The following ZZEF1 variants were observed in gnomAD, a reference collection of about 807,000 sequenced individuals.
ZZEF1 encodes zinc finger ZZ-type and EF-hand domain containing 1, also known as zinc finger ZZ-type and EF-hand domain-containing protein 1.
A neutral mutation model predicts 342.8 loss-of-function variants in ZZEF1; 157 were observed. That is an observed-to-expected ratio of 0.46 (90% CI 0.40 to 0.52). The LOEUF (loss-of-function observed/expected upper bound fraction) is 0.52. Ranked by LOEUF, ZZEF1 falls within the 20% of genes least tolerant of loss-of-function variation. The pLI is 0.00. For missense variants in ZZEF1, 3,480 were observed against 3,725.6 expected, an observed-to-expected ratio of 0.93 and a Z score of 1.72; for synonymous variants, 1,505 against 1,429.1, an observed-to-expected ratio of 1.05 and a Z score of -1.20.
intron 1 of ZZEF1, among the ~76,000 whole-genome samples, chr17:4,136,012 T>TA (rs1317313653): frequency 1.3e-5 from 2 of 149,246 alleles, no homozygotes; most frequent in Non-Finnish European, 3.0e-5. Flanking sequence ...TTTTTTTTTT[T>TA]TGAGACGGTG....
At chr17:4,108,585 T>C (rs549740788) in intron 6 of ZZEF1, among the ~76,000 whole-genome samples, 1 of 152,172 alleles carries the variant, frequency 6.6e-6, no homozygotes, top group Non-Finnish European at 1.5e-5. Flanking sequence ...GGTGGCAACA[T>C]AGCAATGTAC....
At chr17:4,125,958 G>A (rs2058566346) in intron 1 of ZZEF1, among the ~76,000 whole-genome samples, 2 of 152,100 alleles carry the variant, frequency 1.3e-5, no homozygotes. Flanking sequence ...CGGGCGCGGT[G>A]GTTCACACCT....
chr17:4,049,051 T>C (rs774950824), intron 37 of ZZEF1, among the ~76,000 whole-genome samples: 6 of 152,054 alleles, frequency 3.9e-5, no homozygotes, highest in African/African-American at 1.4e-4. Flanking sequence ...TTAATTCTTA[T>C]AAAAACTACC....
chr17:4,142,525 C>A lies in ZZEF1; in HGVS notation c.354+17G>T. ...GACCGCCCTGCCCCATCCCCGCAGT[C>A]GCCTGCCGGCCCTGACCTCCTCGAA... is the stretch of plus-strand genomic sequence containing the variant. On this transcript the variant is annotated intron_variant, in intron 1 of 54. Transcript: ENST00000381638. 6.3e-7 allele frequency: 1 copy of A among 1,587,764 alleles called. No individual in the cohort carries two copies. The highest frequency in any genetic ancestry group is 1.7e-5 in the Admixed American group (1 of 58,100).
intron 39 of ZZEF1, among the ~76,000 whole-genome samples, chr17:4,042,037 T>A (rs1208461865): frequency 6.6e-6 from 1 of 152,142 alleles, no homozygotes; most frequent in Non-Finnish European, 1.5e-5. Context: ...AGAGAAGTAT[T>A]GAGGGTGAAG....
intron 2 of ZZEF1, 98 bp downstream of exon 2, chr17:4,123,809 G>A: frequency 7.3e-7 from 1 of 1,372,114 alleles, no homozygotes; most frequent in Non-Finnish European, 9.9e-7. Flanking sequence ...CACTGTTGGG[G>A]GAGTTTACTG....
intron 39 of ZZEF1, among the ~76,000 whole-genome samples, chr17:4,036,831 T>TCTCG (rs910910439): frequency 7.1e-6 from 1 of 141,308 alleles, no homozygotes; most frequent in Non-Finnish European, 1.6e-5. Flanking sequence ...TCTCTCTCTC[T>TCTCG]CTCTCTCTCT....
chr17:4,114,513 A>G, intron 3 of ZZEF1, 43 bp from the exon 4 acceptor site: 1 of 1,376,558 alleles, frequency 7.3e-7, no homozygotes, highest in South Asian at 1.9e-5. Flanking sequence ...TCCCTTTCAC[A>G]AAGGGAAAAA....
chr17:4,099,463 C>T (rs866017297), intron 9 of ZZEF1, among the ~76,000 whole-genome samples: 35 of 152,208 alleles, frequency 2.3e-4, no homozygotes, highest in Middle Eastern at 3.4e-3. Context: ...CTCAGGAAAT[C>T]CTCCCACCTC....
intron 46 of ZZEF1, among the ~76,000 whole-genome samples, chr17:4,018,447 A>C (rs2144965998): frequency 6.6e-6 from 1 of 151,986 alleles, no homozygotes; most frequent in African/African-American, 2.4e-5. Flanking sequence ...TAAATTTAAC[A>C]GAGTTTAAAT....
intron 1 of ZZEF1, among the ~76,000 whole-genome samples, chr17:4,133,762 C>T (rs2058705922): frequency 6.6e-6 from 1 of 151,934 alleles, no homozygotes; most frequent in Non-Finnish European, 1.5e-5. Flanking sequence ...TCATCTACCA[C>T]CCAGGCTAGA....
Position 4,142,840 on chromosome 17 carries a change from T to C in ZZEF1, c.56A>G (p.Glu19Gly). 7.2e-7 allele frequency: 1 copy of C among 1,397,566 alleles called. No individual in the cohort carries two copies. The highest frequency in any genetic ancestry group is 1.6e-5 in the South Asian group (1 of 61,490). The allele number at this position is 1,397,566 out of a possible 1,614,324, so 86.6% of individuals were successfully genotyped here. A position where few individuals can be genotyped will look rare whatever the true frequency, so the allele number is the denominator to read the frequency against. Residue 19 changes from glutamate (E) to glycine (G), a missense_variant, in exon 1 of 55, where the codon GAG (glutamate) becomes GGG (glycine). Coordinates refer to ENST00000381638, the MANE Select transcript of ZZEF1 (RefSeq NM_015113.4). ...SEDEAAAAGG[E>G]GWGPHQDWAA... is the part of the protein sequence containing the mutation. ...CCAGTCCTGGTGTGGGCCCCAGCCC[T>C]CGCCACCGGCAGCTGCCGCTTCGTC...
Position 4,095,630 on chromosome 17 carries a change from C to T in ZZEF1, c.1913+201G>A, listed in dbSNP as rs183518540. On this transcript the variant is annotated intron_variant, in intron 11 of 54. Coordinates refer to ENST00000381638, the MANE Select transcript of ZZEF1 (RefSeq NM_015113.4). ...GCCACAAAAGGGACTGAGTAACATGCTATGAACAAATTAACATACACATCT... is the reference window on the plus strand; with the variant it reads ...GCCACAAAAGGGACTGAGTAACATGTTATGAACAAATTAACATACACATCT... Among the ~76,000 whole-genome samples, 10 of 152,290 alleles carry T rather than the reference C, an allele frequency of 6.6e-5. No homozygotes were observed. The East Asian group carries it at 1.9e-3, about 29-fold the overall frequency.
intron 1 of ZZEF1, among the ~76,000 whole-genome samples, chr17:4,133,357 G>A (rs2058699733): frequency 6.6e-6 from 1 of 152,204 alleles, no homozygotes; most frequent in Non-Finnish European, 1.5e-5. Context: ...CACAGCTAGT[G>A]TTTGCATCCA....
At chr17:4,023,120 G>T (rs1027737252) in intron 43 of ZZEF1, among the ~76,000 whole-genome samples, 2 of 152,224 alleles carry the variant, frequency 1.3e-5, no homozygotes, top group Non-Finnish European at 2.9e-5. Context: ...CCTGGGAGGT[G>T]TTCTTTCTGC....
At chr17:4,112,265 C>T (rs994738494) in intron 5 of ZZEF1, among the ~76,000 whole-genome samples, 2 of 150,884 alleles carry the variant, frequency 1.3e-5, no homozygotes, top group East Asian at 3.9e-4. Flanking sequence ...TCTGCCTTAG[C>T]CCCCCAAGTG....
intron 11 of ZZEF1, among the ~76,000 whole-genome samples, chr17:4,093,325 G>T (rs543014837): frequency 1.3e-5 from 2 of 152,284 alleles, no homozygotes; most frequent in African/African-American, 4.8e-5. Flanking sequence ...TTTTAGGAGT[G>T]AAAGACATTT....
chr17:4,122,520 C>CA (rs2058500435), intron 2 of ZZEF1, among the ~76,000 whole-genome samples: 1 of 152,012 alleles, frequency 6.6e-6, no homozygotes, highest in African/African-American at 2.4e-5. Context: ...GCTGGGATTA[C>CA]AGGCATGCAC....
chr17:4,021,327 A>C lies in ZZEF1; in HGVS notation c.7213-7T>G. 6.3e-7 allele frequency: 1 copy of C among 1,590,620 alleles called. No homozygotes were observed. Among genetic ancestry groups the C allele is most frequent in the Non-Finnish European group, 8.6e-7 (1 of 1,165,536 alleles). ...ACAGCATGATGGACAAAATCTACAC[A>C]GAAAGAAAATCCAGCTGAATGTGAG... On this transcript the variant is annotated splice_region_variant and splice_polypyrimidine_tract_variant and intron_variant, in intron 44 of 54. Coordinates refer to ENST00000381638, the MANE Select transcript of ZZEF1 (RefSeq NM_015113.4).
Sources: allele counts gnomAD v4.1 joint callset (sites outside exome capture counted in the v4.1 genomes callset), GRCh38; gene constraint gnomAD v4.1.1; transcripts MANE v1.5; gene names NCBI Gene and HGNC (gene_info 2026-07-23, HGNC 2026-07-21).